Variants in MARCHF1 observed in about 807,000 individuals in gnomAD.
MARCHF1 encodes the protein membrane associated ring-CH-type finger 1, also known as E3 ubiquitin-protein ligase MARCHF1.
A neutral mutation model predicts 54.2 loss-of-function variants in MARCHF1; 40 were observed. That is an observed-to-expected ratio of 0.74 (90% CI 0.57 to 0.96). The LOEUF is 0.96. Among genes scored for constraint, MARCHF1 ranks in the 40% least tolerant of loss-of-function variants. The pLI, the probability that MARCHF1 is intolerant of heterozygous loss-of-function variation, is 0.00. For synonymous variants in MARCHF1, 236 were observed against 236.3 expected (o/e 1.00, Z 0.01); for missense variants, 586 against 656.5 (o/e 0.89, Z 1.17).
At chr4:163,975,164 GCTCTCTCTCT>G (rs55675178) in intron 3 of MARCHF1, among the ~76,000 whole-genome samples, 3,284 of 127,138 alleles carry the variant, frequency 0.026, 49 homozygotes, top group Middle Eastern at 0.035. Flanking sequence ...TCATAATAAA[GCTCTCTCTCT>G]CTCTCTCTCT....
At chr4:164,163,907 T>A (rs1173928030) in intron 1 of MARCHF1, among the ~76,000 whole-genome samples, 3 of 151,908 alleles carry the variant, frequency 2.0e-5, no homozygotes, top group Non-Finnish European at 4.4e-5. Context: ...GAAATTATAT[T>A]AAAAATCAAT....
chr4:163,960,113 C>T (rs951576904), intron 3 of MARCHF1, among the ~76,000 whole-genome samples: 2 of 152,000 alleles, frequency 1.3e-5, no homozygotes, highest in Non-Finnish European at 2.9e-5. Context: ...GAGATACCAT[C>T]TCACACCAGT....
intron 2 of MARCHF1, among the ~76,000 whole-genome samples, chr4:164,069,690 C>T (rs972153196): frequency 1.5e-4 from 23 of 152,206 alleles, no homozygotes; most frequent in Non-Finnish European, 2.1e-4. Flanking sequence ...TAACACTCAC[C>T]GCGAGGGTCC....
Position 163,528,433 on chromosome 4 carries a change from C to G in MARCHF1, c.*315G>C, listed in dbSNP as rs1738216757. 1 of 281,218 alleles carries G rather than the reference C, an allele frequency of 3.6e-6. No homozygotes were observed. Among genetic ancestry groups the G allele is most frequent in the Non-Finnish European group, 6.7e-6 (1 of 149,218 alleles). The allele number at this position is 281,218 out of a possible 1,614,324, so 17.4% of individuals were successfully genotyped here. On this transcript the variant is annotated 3_prime_UTR_variant, in exon 10 of 10. Coordinates refer to ENST00000514618, the MANE Select transcript of MARCHF1 (RefSeq NM_001394959.1). Reference sequence around the variant, plus strand: ...CCCCTGTTACTGTGAAGAAGAGTATCATGGGTCCATTTAATCTTTGATTAC... The same window carrying G: ...CCCCTGTTACTGTGAAGAAGAGTATGATGGGTCCATTTAATCTTTGATTAC...
chr4:163,733,258 T>TACACATGTATATATATACAC (rs1745931775), intron 4 of MARCHF1, among the ~76,000 whole-genome samples: 3 of 45,066 alleles, frequency 6.7e-5, no homozygotes, highest in South Asian at 7.8e-4. Flanking sequence ...TATATATATA[T>TACACATGTATATATATACAC]ACACACACAC....
chr4:163,901,271 A>G (rs1349430869), intron 3 of MARCHF1, among the ~76,000 whole-genome samples: 1 of 152,202 alleles, frequency 6.6e-6, no homozygotes, highest in Non-Finnish European at 1.5e-5. Context: ...ATGTTTTAAT[A>G]AATTATGGTA....
At chr4:164,118,546 C>T (rs977571891) in intron 1 of MARCHF1, among the ~76,000 whole-genome samples, 2 of 150,896 alleles carry the variant, frequency 1.3e-5, no homozygotes, top group African/African-American at 4.9e-5. Flanking sequence ...ATAATACACC[C>T]ATTTAAGCTT....
At chr4:164,237,456 G>A (rs11946676) in intron 1 of MARCHF1, among the ~76,000 whole-genome samples, 73,531 of 151,766 alleles carry the variant, frequency 0.48, 19,944 homozygotes, top group Non-Finnish European at 0.63. Flanking sequence ...CCTATTATCT[G>A]TAGGTGTTTT....
At chr4:163,745,480 G>A (rs1746331806) in intron 4 of MARCHF1, among the ~76,000 whole-genome samples, 2 of 152,234 alleles carry the variant, frequency 1.3e-5, no homozygotes, top group Middle Eastern at 3.4e-3. Flanking sequence ...AAATACACAA[G>A]GGAAGAGCTC....
intron 4 of MARCHF1, among the ~76,000 whole-genome samples, chr4:163,708,376 A>G (rs1029964825): frequency 1.3e-5 from 2 of 152,010 alleles, no homozygotes; most frequent in African/African-American, 4.8e-5. Flanking sequence ...ATGATCTTTT[A>G]CAGCCAGGGA....
chr4:163,938,001 A>G (rs1165149967), intron 3 of MARCHF1, among the ~76,000 whole-genome samples: 2 of 152,154 alleles, frequency 1.3e-5, no homozygotes, highest in African/African-American at 4.8e-5. Context: ...CATATTTTCC[A>G]TTATATAAGA....
At chr4:164,077,009 C>T in intron 2 of MARCHF1, among the ~76,000 whole-genome samples, 1 of 152,094 alleles carries the variant, frequency 6.6e-6, no homozygotes, top group Admixed American at 6.6e-5. Context: ...AGACTTTCTT[C>T]ATAGAATTAG....
intron 1 of MARCHF1, among the ~76,000 whole-genome samples, chr4:164,251,270 T>G (rs1472538216): frequency 6.6e-6 from 1 of 152,194 alleles, no homozygotes; most frequent in East Asian, 1.9e-4. Flanking sequence ...TAATACCATT[T>G]TATACACAGA....
intron 4 of MARCHF1, among the ~76,000 whole-genome samples, chr4:163,776,615 T>A (rs1275914284): frequency 6.6e-6 from 1 of 152,266 alleles, no homozygotes; most frequent in African/African-American, 2.4e-5. Context: ...TAATACTTAA[T>A]TGTTTTCATG....
chr4:163,960,753 G>A (rs190940269), intron 3 of MARCHF1, among the ~76,000 whole-genome samples: 163 of 149,924 alleles, frequency 1.1e-3, no homozygotes, highest in African/African-American at 3.8e-3. Flanking sequence ...ATAAACCTCT[G>A]TTACATGTGT....
intron 3 of MARCHF1, among the ~76,000 whole-genome samples, chr4:163,888,499 T>G (rs1750587339): frequency 6.6e-6 from 1 of 152,202 alleles, no homozygotes; most frequent in Non-Finnish European, 1.5e-5. Flanking sequence ...CAAATCAATG[T>G]TCTGGCATCT....
In MARCHF1 at chr4:163,525,885, G is replaced by C. The variant is rs557803136; in HGVS notation, c.*2863C>G. Reference sequence around the variant, plus strand: ...AGGGCAAATGTTCCATTGCCACACAGAATGTAAAAAGAAAATAATCAACAT... The same window carrying C: ...AGGGCAAATGTTCCATTGCCACACACAATGTAAAAAGAAAATAATCAACAT... On this transcript the variant is annotated 3_prime_UTR_variant, in exon 10 of 10. Coordinates refer to ENST00000514618, the MANE Select transcript of MARCHF1 (RefSeq NM_001394959.1). 11 of 152,164 alleles carry C rather than the reference G, an allele frequency of 7.2e-5. No individual in the cohort carries two copies. In the East Asian group the frequency reaches 7.7e-4, roughly 11 times the overall value. 9.4% of individuals were successfully genotyped at this position (152,164 alleles called of 1,614,324 possible).
intron 1 of MARCHF1, among the ~76,000 whole-genome samples, chr4:164,142,443 C>T (rs1333706925): frequency 6.6e-6 from 1 of 152,172 alleles, no homozygotes; most frequent in Non-Finnish European, 1.5e-5. Flanking sequence ...TTGAAGAGAG[C>T]AGTGGTTCTC....
intron 2 of MARCHF1, among the ~76,000 whole-genome samples, chr4:164,029,767 G>C (rs150553058): frequency 0.015 from 2,334 of 151,994 alleles, 38 homozygotes; most frequent in Non-Finnish European, 0.021. Context: ...GCTAATTTTT[G>C]TATTTTAAGT....
Sources: allele counts gnomAD v4.1 joint callset (sites outside exome capture counted in the v4.1 genomes callset), GRCh38; gene constraint gnomAD v4.1.1; transcripts MANE v1.5; gene names NCBI Gene and HGNC (gene_info 2026-07-23, HGNC 2026-07-21).